Variants in WWP2 observed in about 807,000 individuals in gnomAD.
The protein encoded by WWP2 is NEDD4-like E3 ubiquitin-protein ligase WWP2.
WWP2 carries 57 observed loss-of-function variants against 121.0 expected under a neutral mutation model. That is an observed-to-expected ratio of 0.47 (90% CI 0.38 to 0.59). The LOEUF (loss-of-function observed/expected upper bound fraction) is 0.59. Among genes scored for constraint, WWP2 ranks in the 20% least tolerant of loss-of-function variants. WWP2 has a pLI of 0.00. For synonymous variants in WWP2, 449 were observed against 441.3 expected (o/e 1.02, Z -0.22); for missense variants, 962 against 1,158.9 (o/e 0.83, Z 2.47).
intron 9 of WWP2, chr16:69,909,126 C>T (rs1417453177): frequency 8.9e-7 from 1 of 1,121,104 alleles, no homozygotes; most frequent in Admixed American, 4.7e-5. Flanking sequence ...CAGCCTGTCC[C>T]TAAAGGCAGA....
rs1386521134 is a variant in WWP2 at position 69,799,200 on chromosome 16, A to G, written c.245A>G (p.Asp82Gly). ...AATGTCACGGCACAGAGTCATTTAG[A>G]TTTAAAGGTCTGGAGCTGCCATACC... ...ILNVTAQSHL[D>G]LKVWSCHTLR... Residue 82 changes from aspartate to glycine, a missense_variant, in exon 4 of 24, where the codon GAT becomes GGT. Around this residue, in one of 3 missense-constraint regions of WWP2, gnomAD observed 145 missense variants for 189.8 expected, o/e 0.76. Transcript: ENST00000359154. The surrounding 1 kb of genome is among the most constrained non-coding windows in gnomAD (Gnocchi z 4.5). The G allele has an allele frequency of 1.2e-6, 2 of 1,613,950 alleles. No individual in the cohort carries two copies. Among genetic ancestry groups the G allele is most frequent in the Admixed American group, 1.7e-5 (1 of 59,956 alleles).
At position 69,917,843 on chromosome 16, in the gene WWP2, A is replaced by C; in HGVS notation, c.1139A>C (p.Gln380Pro). 6.2e-7 allele frequency: 1 copy of C among 1,613,772 alleles called. No homozygotes were observed. The highest frequency in any genetic ancestry group is 8.5e-7 in the Non-Finnish European group (1 of 1,179,622). The part of the protein sequence containing the change: ...EQWQSQRNQL[Q>P]GAMQHFSQRF... ...TGGCAGTCGCAGCGGAATCAGCTCCAGGGGGCCATGCAGCACTTCAGCCAA... is the reference window on the plus strand; with the variant it reads ...TGGCAGTCGCAGCGGAATCAGCTCCCGGGGGCCATGCAGCACTTCAGCCAA... The change falls in exon 10 of 24, where the codon CAG (glutamine) becomes CCG (proline). Residue 380 changes from glutamine (Q) to proline (P), a missense_variant. By Grantham distance (76) the Gln-to-Pro change is moderately conservative. Around this residue, in one of 3 missense-constraint regions of WWP2, gnomAD observed 606 missense variants for 772.6 expected, o/e 0.78. Coordinates refer to ENST00000359154, the MANE Select transcript of WWP2 (RefSeq NM_001270454.2).
chr16:69,854,492 A>G (rs1567381736), intron 6 of WWP2, among the ~76,000 whole-genome samples: 1 of 151,878 alleles, frequency 6.6e-6, no homozygotes, highest in Non-Finnish European at 1.5e-5. Context: ...AATAGCCTAA[A>G]TAGAATGACT....
At chr16:69,778,312 C>A (rs1424478708) in intron 1 of WWP2, among the ~76,000 whole-genome samples, 2 of 150,912 alleles carry the variant, frequency 1.3e-5, no homozygotes, top group African/African-American at 4.9e-5. Flanking sequence ...ATACTTTGTT[C>A]ATCTGGTAAC....
intron 4 of WWP2, among the ~76,000 whole-genome samples, chr16:69,829,244 C>T (rs537853974): frequency 6.6e-6 from 1 of 152,306 alleles, no homozygotes; most frequent in South Asian, 2.1e-4. Context: ...CCTGTCTGCT[C>T]TGCCTGTTTC....
At chr16:69,819,243 G>A (rs1037504420) in intron 4 of WWP2, among the ~76,000 whole-genome samples, 4 of 152,140 alleles carry the variant, frequency 2.6e-5, no homozygotes, top group African/African-American at 4.8e-5. Context: ...CCTATGGAAC[G>A]GTTCTGAATG....
At chr16:69,795,276 A>C (rs146165459) in intron 2 of WWP2, among the ~76,000 whole-genome samples, 68 of 44,526 alleles carry the variant, frequency 1.5e-3, no homozygotes, top group Non-Finnish European at 6.3e-3. Context: ...ACACACACAC[A>C]CACACACACA....
chr16:69,832,899 G>T (rs1192793413), intron 4 of WWP2, among the ~76,000 whole-genome samples: 1 of 151,926 alleles, frequency 6.6e-6, no homozygotes, highest in African/African-American at 2.4e-5. Flanking sequence ...CTCTTGCCTA[G>T]GCTGGAGTGC....
At position 69,936,299 on chromosome 16, in the gene WWP2, C is replaced by G; in HGVS notation, c.1977-13C>G. On this transcript the variant is annotated splice_polypyrimidine_tract_variant and intron_variant, in intron 18 of 23. Coordinates refer to ENST00000359154, the MANE Select transcript of WWP2 (RefSeq NM_001270454.2). ...CGGTAGACATCTCCCCACTTGGTCTCCTGTGCCCCCAGAGAGAACAACCTG... is the reference window on the plus strand; with the variant it reads ...CGGTAGACATCTCCCCACTTGGTCTGCTGTGCCCCCAGAGAGAACAACCTG... 6.2e-7 allele frequency: 1 copy of G among 1,614,046 alleles called. No homozygotes were observed. Among genetic ancestry groups the G allele is most frequent in the Non-Finnish European group, 8.5e-7 (1 of 1,180,010 alleles).
At chr16:69,825,059 G>A (rs1422820717) in intron 4 of WWP2, among the ~76,000 whole-genome samples, 2 of 152,064 alleles carry the variant, frequency 1.3e-5, no homozygotes, top group Non-Finnish European at 2.9e-5. Context: ...ACTGTGCTCG[G>A]CCTTGCATCT....
intron 6 of WWP2, among the ~76,000 whole-genome samples, chr16:69,842,465 C>T (rs754786989): frequency 6.6e-6 from 1 of 152,078 alleles, no homozygotes; most frequent in Non-Finnish European, 1.5e-5. Context: ...GGTAGTTTTT[C>T]AATTCTTGCT....
At chr16:69,886,670 G>T (rs573858112) in intron 7 of WWP2, among the ~76,000 whole-genome samples, 36 of 152,310 alleles carry the variant, frequency 2.4e-4, no homozygotes, top group African/African-American at 8.2e-4. Flanking sequence ...TGAGGCATGA[G>T]AATTGCTTAA....
At chr16:69,919,787 C>CT (rs1326246941) in intron 10 of WWP2, among the ~76,000 whole-genome samples, 1,815 of 124,342 alleles carry the variant, frequency 0.015, 31 homozygotes, top group East Asian at 0.057. Context: ...GGGTCCCTGA[C>CT]TTTTTTTTTT....
intron 7 of WWP2, among the ~76,000 whole-genome samples, chr16:69,887,533 C>T (rs9939065): frequency 6.6e-6 from 1 of 151,904 alleles, no homozygotes; most frequent in Non-Finnish European, 1.5e-5. Context: ...AGCCTCCCAA[C>T]TAGCTGGGAT....
chr16:69,868,537 C>T (rs1320269772), intron 6 of WWP2, among the ~76,000 whole-genome samples: 3 of 152,164 alleles, frequency 2.0e-5, no homozygotes, highest in African/African-American at 7.2e-5. Flanking sequence ...CAGCTTGCTC[C>T]TGGGGGCTGC....
chr16:69,829,272 G>A (rs913715702), intron 4 of WWP2, among the ~76,000 whole-genome samples: 17 of 151,904 alleles, frequency 1.1e-4, no homozygotes, highest in African/African-American at 3.9e-4. Context: ...CCTTTCCTCC[G>A]GCTTGTTTTC....
intron 6 of WWP2, among the ~76,000 whole-genome samples, chr16:69,854,541 CT>C (rs145289296): frequency 9.5e-5 from 14 of 147,092 alleles, no homozygotes; most frequent in Non-Finnish European, 7.5e-5. Context: ...GTAGGCTTTT[CT>C]TTTTTTTTTT....
intron 8 of WWP2, among the ~76,000 whole-genome samples, chr16:69,903,383 A>G (rs2058234866): frequency 6.6e-6 from 1 of 152,268 alleles, no homozygotes; most frequent in South Asian, 2.1e-4. Flanking sequence ...AAGTGTAATA[A>G]AATCAGTGTT....
intron 1 of WWP2, among the ~76,000 whole-genome samples, chr16:69,777,635 A>G (rs2055564698): frequency 6.6e-6 from 1 of 151,834 alleles, no homozygotes; most frequent in African/African-American, 2.4e-5. Context: ...TTTATTTATT[A>G]TAGTTTGGTA....
Sources: gnomAD v4.1 joint callset for allele counts (sites outside exome capture counted in the v4.1 genomes callset) on GRCh38, gnomAD v4.1.1 for gene constraint, gnomAD v4.1.1 regional missense constraint, Gnocchi (gnomAD v3.1) non-coding constraint, MANE v1.5 for transcripts, NCBI Gene and HGNC (gene_info 2026-07-23, HGNC 2026-07-21) for gene names.